MAGI1: variants seen among roughly 807,000 people sequenced by gnomAD.
MAGI1 encodes membrane associated guanylate kinase, WW and PDZ domain containing 1.
MAGI1 carries 58 observed loss-of-function variants against 139.9 expected under a neutral mutation model. That is an observed-to-expected ratio of 0.41 (90% CI 0.34 to 0.52). The LOEUF (loss-of-function observed/expected upper bound fraction) is 0.52. MAGI1 is among the 20% of genes least tolerant of loss of function. MAGI1 has a pLI of 0.12. For missense variants in MAGI1, 1,874 were observed against 1,901.6 expected (o/e 0.99, Z 0.27); for synonymous variants, 812 against 737.9 (o/e 1.10, Z -1.63).
intron 22 of MAGI1, 163 bp downstream of exon 22, chr3:65,361,036 G>A: frequency 6.6e-7 from 1 of 1,508,664 alleles, no homozygotes. Context: ...GATGAAATGT[G>A]TAGAGATTTC....
At chr3:65,881,457 T>C (rs1398506473) in intron 1 of MAGI1, among the ~76,000 whole-genome samples, 1 of 151,862 alleles carries the variant, frequency 6.6e-6, no homozygotes, top group Non-Finnish European at 1.5e-5. Context: ...CAAGACCCCA[T>C]CTCTAAAAAA....
intron 1 of MAGI1, among the ~76,000 whole-genome samples, chr3:65,879,118 CCACCAGGCAGG>C (rs2060229426): frequency 6.6e-6 from 1 of 152,064 alleles, no homozygotes; most frequent in Non-Finnish European, 1.5e-5. Flanking sequence ...AAGAGTATCC[CCACCAGGCAGG>C]CCCACAGCCT....
At chr3:65,784,461 T>C (rs1486100783) in intron 1 of MAGI1, among the ~76,000 whole-genome samples, 1 of 152,236 alleles carries the variant, frequency 6.6e-6, no homozygotes, top group East Asian at 1.9e-4. Context: ...CTCACGCCTG[T>C]AATCCCAGCA....
chr3:65,452,004 T>A (rs903388267), intron 6 of MAGI1, among the ~76,000 whole-genome samples: 6 of 152,140 alleles, frequency 3.9e-5, no homozygotes, highest in African/African-American at 1.4e-4. Flanking sequence ...TTAACCAGTA[T>A]TACATGTTAA....
At chr3:65,661,743 C>CTTT (rs1490505447) in intron 1 of MAGI1, among the ~76,000 whole-genome samples, 3 of 101,184 alleles carry the variant, frequency 3.0e-5, no homozygotes, top group South Asian at 3.6e-4. Flanking sequence ...TTGTTTTTTT[C>CTTT]TGTTTTTTTT....
intron 1 of MAGI1, among the ~76,000 whole-genome samples, chr3:65,678,216 A>G (rs1286418042): frequency 1.3e-5 from 2 of 152,178 alleles, no homozygotes; most frequent in African/African-American, 2.4e-5. Flanking sequence ...GAAATACCTA[A>G]TGTAGATGAC....
At position 65,356,549 on chromosome 3, in the gene MAGI1, G is replaced by C. The variant is rs766372209; in HGVS notation, c.4218C>G (p.Ser1406=). ...AKSTDRRRAR[S]PERRRERSLD... is the part of the protein sequence containing the mutation. ...GGGACCGCTCTCTCCTGCGCTCGGG[G>C]GAGCGTGCGCGCCTCCGGTCGGTGG... Residue 1406 remains serine (S), a synonymous_variant, in exon 23 of 23, where the codon TCC becomes TCG. Coordinates refer to ENST00000402939, the MANE Select transcript of MAGI1 (RefSeq NM_001033057.2). The C allele has an allele frequency of 1.9e-6, 3 of 1,608,650 alleles. No homozygotes were observed. Among genetic ancestry groups the C allele is most frequent in the Non-Finnish European group, 2.5e-6 (3 of 1,179,496 alleles).
rs146060084 is a variant in MAGI1 at position 65,827,465 on chromosome 3, G to T, written c.314-205377C>A. Reference sequence around the variant, plus strand: ...CTTCAAGAGGCAATATTATCACTTGGAACTTAGCAAAATGACATAATGCCA... The same window carrying T: ...CTTCAAGAGGCAATATTATCACTTGTAACTTAGCAAAATGACATAATGCCA... On this transcript the variant is annotated intron_variant, in intron 1 of 22. Coordinates refer to ENST00000402939, the MANE Select transcript of MAGI1 (RefSeq NM_001033057.2). Among the ~76,000 whole-genome samples, 179 of 152,240 alleles carry T rather than the reference G, an allele frequency of 1.2e-3. 1 individual carries two copies. Among genetic ancestry groups the T allele is most frequent in the African/African-American group, 4.0e-3 (166 of 41,532 alleles).
chr3:65,857,934 AACC>A (rs1024898113), intron 1 of MAGI1, among the ~76,000 whole-genome samples: 31 of 152,150 alleles, frequency 2.0e-4, no homozygotes, highest in African/African-American at 7.5e-4. Flanking sequence ...GATTCATGAA[AACC>A]TAGTGTTTTA....
intron 1 of MAGI1, among the ~76,000 whole-genome samples, chr3:65,634,778 G>C (rs1244069177): frequency 6.6e-6 from 1 of 152,164 alleles, no homozygotes; most frequent in Non-Finnish European, 1.5e-5. Context: ...AGGGAATGTT[G>C]ACTATGAACT....
chr3:65,560,036 G>A (rs1028294096), intron 2 of MAGI1, among the ~76,000 whole-genome samples: 2 of 152,102 alleles, frequency 1.3e-5, no homozygotes, highest in Admixed American at 6.6e-5. Flanking sequence ...ACCCTGTCTC[G>A]AAAAACAAAC....
intron 1 of MAGI1, among the ~76,000 whole-genome samples, chr3:65,896,503 A>G (rs957345637): frequency 2.0e-5 from 3 of 152,340 alleles, no homozygotes; most frequent in Admixed American, 1.3e-4. Flanking sequence ...CATTCAACAA[A>G]GAGTTGTTTA....
intron 14 of MAGI1, among the ~76,000 whole-genome samples, chr3:65,388,873 G>A (rs949075013): frequency 1.5e-4 from 16 of 109,556 alleles, no homozygotes; most frequent in African/African-American, 4.0e-4. Flanking sequence ...AGACAGTCTC[G>A]CTCTGTCGCC....
intron 1 of MAGI1, among the ~76,000 whole-genome samples, chr3:65,657,173 TA>T (rs1371802950): frequency 2.0e-5 from 3 of 151,816 alleles, no homozygotes; most frequent in Non-Finnish European, 4.4e-5. Context: ...ATCCCCAACT[TA>T]AAGATAAGGA....
At chr3:65,983,150 T>C (rs1199510479) in intron 1 of MAGI1, among the ~76,000 whole-genome samples, 3 of 152,204 alleles carry the variant, frequency 2.0e-5, no homozygotes, top group Non-Finnish European at 2.9e-5. Context: ...AATATTTTAA[T>C]GCAAGGGGTT....
chr3:65,802,848 CTGTG>C (rs55814110), intron 1 of MAGI1, among the ~76,000 whole-genome samples: 2,929 of 138,164 alleles, frequency 0.021, 35 homozygotes, highest in Non-Finnish European at 0.024. Flanking sequence ...ATCATCTCAT[CTGTG>C]TGTGTGTGTG....
intron 2 of MAGI1, among the ~76,000 whole-genome samples, chr3:65,606,740 A>T (rs1245606730): frequency 1.3e-5 from 2 of 151,772 alleles, no homozygotes; most frequent in Non-Finnish European, 2.9e-5. Flanking sequence ...CAGGTCTCGA[A>T]CTCCTGACCT....
At chr3:65,474,684 AG>A (rs912570924) in intron 4 of MAGI1, among the ~76,000 whole-genome samples, 5 of 152,110 alleles carry the variant, frequency 3.3e-5, no homozygotes, top group Non-Finnish European at 5.9e-5. Flanking sequence ...CAACAACATA[AG>A]CCAAGTCAAA....
At chr3:65,446,199 C>T (rs1187032549) in intron 7 of MAGI1, among the ~76,000 whole-genome samples, 1 of 152,196 alleles carries the variant, frequency 6.6e-6, no homozygotes, top group East Asian at 1.9e-4. Flanking sequence ...AATAACAACA[C>T]TGCAAATAGC....
Sources: gnomAD v4.1 joint callset for allele counts (sites outside exome capture counted in the v4.1 genomes callset) on GRCh38, gnomAD v4.1.1 for gene constraint, MANE v1.5 for transcripts, NCBI Gene and HGNC (gene_info 2026-07-23, HGNC 2026-07-21) for gene names.